C6: variants seen among roughly 807,000 people sequenced by gnomAD.
The protein encoded by C6 is complement component C6.
C6 carries 101 observed loss-of-function variants against 112.9 expected under a neutral mutation model. The ratio of observed to expected loss-of-function variants is 0.89; its 90% confidence interval spans 0.76 to 1.06. C6 has a LOEUF of 1.06. C6 is among the 50% of genes least tolerant of loss of function. The pLI is 0.00. For missense variants in C6, 1,202 were observed against 1,104.6 expected (o/e 1.09, Z -1.25); for synonymous variants, 431 against 384.1 (o/e 1.12, Z -1.43).
chr5:41,207,610 A>T (rs1373451326), intron 1 of C6, among the ~76,000 whole-genome samples: 1 of 152,246 alleles, frequency 6.6e-6, no homozygotes, highest in Admixed American at 6.5e-5. Context: ...TTAAACCAAC[A>T]AAGATCAAAA....
chr5:41,259,318 G>A (rs1001833317), intron 1 of C6, among the ~76,000 whole-genome samples: 2 of 152,020 alleles, frequency 1.3e-5, no homozygotes, highest in Admixed American at 1.3e-4. Flanking sequence ...AACTAAATAC[G>A]TGGCTTATTT....
At chr5:41,151,934 C>T (rs963711604) in intron 15 of C6, among the ~76,000 whole-genome samples, 7 of 150,594 alleles carry the variant, frequency 4.6e-5, no homozygotes, top group Admixed American at 1.3e-4. Flanking sequence ...TTACAAGAAT[C>T]AGTGGAGAAA....
chr5:41,231,778 C>T (rs904021115), intron 1 of C6, among the ~76,000 whole-genome samples: 1 of 151,914 alleles, frequency 6.6e-6, no homozygotes, highest in Non-Finnish European at 1.5e-5. Flanking sequence ...TGTGTCCTGT[C>T]TTGCCTGGTA....
At chr5:41,217,906 A>G (rs1412923466), upstream of C6, among the ~76,000 whole-genome samples, 1 of 152,132 alleles carries the variant, frequency 6.6e-6, no homozygotes, top group Non-Finnish European at 1.5e-5. Context: ...TGTTGTCCCA[A>G]ACATCTTGAA....
Position 41,142,881 on chromosome 5 carries a change from T to C in C6, c.2749A>G (p.Ile917Val). 6.2e-7 allele frequency: 1 copy of C among 1,613,526 alleles called. No individual in the cohort carries two copies. Among genetic ancestry groups the C allele is most frequent in the Non-Finnish European group, 8.5e-7 (1 of 1,179,596 alleles). Reference protein sequence around the residue: ...KTLNICEVGTIRCANRKMEIL... With the variant: ...KTLNICEVGTVRCANRKMEIL... The stretch of plus-strand genomic sequence containing the variant: ...TCCATCTTCCTGTTTGCACATCTTA[T>C]AGTTCCCACTTCACAGATGTTCAAT... The change falls in exon 18 of 18, where the codon ATA (isoleucine) becomes GTA (valine). Residue 917 changes from isoleucine (I) to valine (V), a missense_variant. By Grantham distance (29) the Ile-to-Val change is conservative (BLOSUM62 3). Coordinates refer to ENST00000337836, the MANE Select transcript of C6 (RefSeq NM_000065.5).
chr5:41,248,263 G>A (rs1741140458), intron 1 of C6, among the ~76,000 whole-genome samples: 1 of 152,048 alleles, frequency 6.6e-6, no homozygotes, highest in South Asian at 2.1e-4. Context: ...CTCAGCCTTG[G>A]GAAAGAATTT....
chr5:41,154,010 C>A lies in C6; in HGVS notation c.2102-12G>T, dbSNP rs1746660808. On this transcript the variant is annotated splice_polypyrimidine_tract_variant and intron_variant, in intron 14 of 17. Coordinates refer to ENST00000337836, the MANE Select transcript of C6 (RefSeq NM_000065.5). ...GATGCACTCCGTCCCTGCAAGAGAG[C>A]AACATTTCATATGTGTTTAGTGGAG... 6.2e-7 allele frequency: 1 copy of A among 1,612,426 alleles called. No individual in the cohort carries two copies. The highest frequency in any genetic ancestry group is 1.7e-5 in the Admixed American group (1 of 59,920).
chr5:41,148,075 A>T (rs1384640745), intron 17 of C6, among the ~76,000 whole-genome samples: 2 of 152,196 alleles, frequency 1.3e-5, no homozygotes, highest in Non-Finnish European at 2.9e-5. Flanking sequence ...ATTTAAAAAT[A>T]ATATTTACCT....
At chr5:41,236,218 G>T (rs1341780620) in intron 1 of C6, among the ~76,000 whole-genome samples, 1 of 106,908 alleles carries the variant, frequency 9.4e-6, no homozygotes, top group Non-Finnish European at 1.9e-5. Flanking sequence ...TAGGTCTAAC[G>T]TTTAAATCTT....
At chr5:41,155,314 G>A (rs1746792968) in intron 13 of C6, among the ~76,000 whole-genome samples, 1 of 151,938 alleles carries the variant, frequency 6.6e-6, no homozygotes. Context: ...TCTTACTAGG[G>A]CAACTTTATA....
At chr5:41,229,367 T>G (rs1256239851) in intron 1 of C6, among the ~76,000 whole-genome samples, 4 of 151,952 alleles carry the variant, frequency 2.6e-5, no homozygotes, top group African/African-American at 9.7e-5. Context: ...TAAGTTTCAG[T>G]AAGTTATGTT....
chr5:41,173,090 GAAGTTCAA>G (rs1012031922), intron 8 of C6, among the ~76,000 whole-genome samples: 1 of 152,098 alleles, frequency 6.6e-6, no homozygotes, highest in Admixed American at 6.6e-5. Context: ...ATCTCCAGCA[GAAGTTCAA>G]AAGGCCACAT....
intron 2 of C6, among the ~76,000 whole-genome samples, chr5:41,202,600 G>A (rs1751113394): frequency 1.3e-5 from 2 of 152,188 alleles, no homozygotes; most frequent in Admixed American, 6.5e-5. Flanking sequence ...AACTGTGGGG[G>A]ACAAGAAGTC....
intron 9 of C6, among the ~76,000 whole-genome samples, chr5:41,167,998 AGAC>A (rs1375189688): frequency 1.3e-5 from 2 of 152,184 alleles, no homozygotes; most frequent in African/African-American, 4.8e-5. Flanking sequence ...TAATTGAAGA[AGAC>A]TGATGATTAA....
At chr5:41,190,982 G>A (rs1369488646) in intron 5 of C6, among the ~76,000 whole-genome samples, 2 of 150,346 alleles carry the variant, frequency 1.3e-5, no homozygotes, top group Admixed American at 6.6e-5. Flanking sequence ...TATGCCAATA[G>A]TGTGCTGCTT....
At chr5:41,181,714 G>A (rs948053719) in intron 6 of C6, among the ~76,000 whole-genome samples, 155 bp from the exon 7 acceptor site, 1 of 152,154 alleles carries the variant, frequency 6.6e-6, no homozygotes, top group Non-Finnish European at 1.5e-5. Flanking sequence ...GTTATTTCCT[G>A]CACTGAGGGG....
chr5:41,235,630 T>C (rs1422718747), intron 1 of C6, among the ~76,000 whole-genome samples: 41 of 130,536 alleles, frequency 3.1e-4, no homozygotes, highest in African/African-American at 1.2e-3. Context: ...TTTCTAGTTC[T>C]AGATCCCTGA....
At chr5:41,228,049 C>T (rs1036918157) in intron 1 of C6, among the ~76,000 whole-genome samples, 2 of 151,898 alleles carry the variant, frequency 1.3e-5, no homozygotes, top group South Asian at 2.1e-4. Context: ...ATCTGTAGAT[C>T]GATTTTGGTA....
chr5:41,219,286 A>G (rs1008691774), intron 1 of C6, among the ~76,000 whole-genome samples: 1 of 152,168 alleles, frequency 6.6e-6, no homozygotes, highest in African/African-American at 2.4e-5. Flanking sequence ...CATGCTTCCA[A>G]ATCTGGACCT....
Sources: gnomAD v4.1 joint callset for allele counts (sites outside exome capture counted in the v4.1 genomes callset) on GRCh38, gnomAD v4.1.1 for gene constraint, MANE v1.5 for transcripts, NCBI Gene and HGNC (gene_info 2026-07-23, HGNC 2026-07-21) for gene names.